The following MFAP5 variants were observed in gnomAD, a reference collection of about 807,000 sequenced individuals.
MFAP5 encodes microfibrillar-associated protein 5.
In MFAP5, 19 loss-of-function variants were observed where a neutral mutation model predicts 30.1. That is an observed-to-expected ratio of 0.63 (90% CI 0.44 to 0.93). The LOEUF (loss-of-function observed/expected upper bound fraction) is 0.93. Ranked by LOEUF, MFAP5 falls within the 40% of genes least tolerant of loss-of-function variation. The probability of loss-of-function intolerance (pLI) is 0.00; values close to 1 mark genes in which losing one functional copy is unlikely to be tolerated. For missense variants in MFAP5, 210 were observed against 221.3 expected (o/e 0.95, Z 0.32); for synonymous variants, 92 against 72.9 (o/e 1.26, Z -1.33).
rs1941709213 is a variant in MFAP5, at chr12:8,647,374, A to G, written c.*717T>C. On this transcript the variant is annotated 3_prime_UTR_variant, in exon 10 of 10. Coordinates refer to ENST00000359478, the MANE Select transcript of MFAP5 (RefSeq NM_003480.4). ...TCCAACCTTACTTCCCGACTAGACAACTGCATGAAAAATTGGATAGCGAAT... is the reference window on the plus strand; with the variant it reads ...TCCAACCTTACTTCCCGACTAGACAGCTGCATGAAAAATTGGATAGCGAAT... The G allele has an allele frequency of 6.6e-6, 1 of 152,218 alleles. No individual in the cohort carries two copies. 9.4% of individuals were successfully genotyped at this position (152,218 alleles called of 1,614,324 possible).
intron 9 of MFAP5, 158 bp from the exon 10 acceptor site, chr12:8,648,361 G>A: frequency 1.1e-6 from 1 of 905,606 alleles, no homozygotes; most frequent in Non-Finnish European, 1.6e-6. Flanking sequence ...TTAGTTATTT[G>A]CCACTTCCTA....
At chr12:8,653,626 C>T (rs935214291) in intron 6 of MFAP5, among the ~76,000 whole-genome samples, 2 of 152,118 alleles carry the variant, frequency 1.3e-5, no homozygotes, top group Non-Finnish European at 2.9e-5. Flanking sequence ...CACAAAAAAC[C>T]TTTTCTCACC....
chr12:8,656,146 C>T (rs1941977892), intron 3 of MFAP5, among the ~76,000 whole-genome samples: 3 of 150,762 alleles, frequency 2.0e-5, no homozygotes, highest in Admixed American at 2.0e-4. Flanking sequence ...CTGCAAGCTC[C>T]GCCTCCCGGG....
chr12:8,652,445 A>AAAAT lies in MFAP5; in HGVS notation c.218-758_218-755dup, dbSNP rs56176308. On this transcript the variant is annotated intron_variant, in intron 6 of 9. Coordinates refer to ENST00000359478, the MANE Select transcript of MFAP5 (RefSeq NM_003480.4). ...AGGTGACAGAGGGAGACTCCATCTCAAAATAAATAAATAAATAAATAAATA... is the reference window on the plus strand; with the variant it reads ...AGGTGACAGAGGGAGACTCCATCTCAAAATAAATAAATAAATAAATAAATAAATA... 4.4e-3 allele frequency among the ~76,000 whole-genome samples: 643 copies of AAAAT among 147,658 alleles called. 6 individuals carry two copies. Among genetic ancestry groups the AAAAT allele is most frequent in the African/African-American group, 0.014 (575 of 39,838 alleles).
rs769973987 is a variant in MFAP5, at chr12:8,662,072, A to G, written c.33T>C (p.Phe11=). 1.9e-6 allele frequency: 3 copies of G among 1,613,924 alleles called. No homozygotes were observed. Among genetic ancestry groups the G allele is most frequent in the Admixed American group, 1.7e-5 (1 of 60,014 alleles). The change falls in exon 2 of 10, where the codon TTT becomes TTC. Residue 11 remains phenylalanine (F), a synonymous_variant. Transcript: ENST00000359478. Reference sequence around the variant, plus strand: ...CAGAGGTGATGATGAATGCAGCAAGAAACAGCAGCACCTTGGGTCCCAAGA... The same window carrying G: ...CAGAGGTGATGATGAATGCAGCAAGGAACAGCAGCACCTTGGGTCCCAAGA... The part of the protein sequence containing the change: MSLLGPKVLL[F]LAAFIITSDW...
intron 3 of MFAP5, among the ~76,000 whole-genome samples, chr12:8,656,296 C>A (rs12322052): frequency 1.3e-5 from 2 of 151,878 alleles, no homozygotes; most frequent in East Asian, 3.9e-4. Context: ...GAACCGCCCC[C>A]CTCGGCCTCC....
intron 9 of MFAP5, 42 bp from the exon 10 acceptor site, chr12:8,648,245 A>T: frequency 6.7e-7 from 1 of 1,493,882 alleles, no homozygotes; most frequent in Non-Finnish European, 9.3e-7. Flanking sequence ...AATGCAGAAG[A>T]TAACAAAGGC....
intron 6 of MFAP5, among the ~76,000 whole-genome samples, chr12:8,653,202 A>AAG (rs1176495987): frequency 6.6e-6 from 1 of 151,674 alleles, no homozygotes; most frequent in Non-Finnish European, 1.5e-5. Context: ...CAAAAAAAAA[A>AAG]AAAAAGAAAA....
intron 6 of MFAP5, among the ~76,000 whole-genome samples, chr12:8,651,998 C>A (rs964912546): frequency 7.9e-5 from 12 of 152,072 alleles, no homozygotes; most frequent in African/African-American, 2.9e-4. Context: ...GAACACAAGG[C>A]AAAGAGTTAC....
chr12:8,660,338 G>A (rs773251853), intron 3 of MFAP5, among the ~76,000 whole-genome samples: 2 of 151,684 alleles, frequency 1.3e-5, no homozygotes, highest in South Asian at 2.1e-4. Context: ...ACAGGCATGC[G>A]CCACCATGCC....
At chr12:8,655,520 C>T (rs770259914) in intron 4 of MFAP5, 73 bp from the exon 5 acceptor site, 80 of 1,468,464 alleles carry the variant, frequency 5.4e-5, no homozygotes, top group South Asian at 6.1e-5. Flanking sequence ...GATAAGGGGA[C>T]GATGATCTCA....
intron 1 of MFAP5, chr12:8,662,388 C>T (rs767516851): frequency 1.9e-5 from 7 of 362,778 alleles, no homozygotes; most frequent in Non-Finnish European, 3.5e-5. Context: ...GTACTTGGCC[C>T]TACCCTTTGG....
Position 8,651,642 on chromosome 12 carries a change from C to T in MFAP5, c.247+20G>A, listed in dbSNP as rs1448877184. 1.8e-5 allele frequency: 29 copies of T among 1,613,226 alleles called. No individual in the cohort carries two copies. The highest frequency in any genetic ancestry group is 2.5e-5 in the Non-Finnish European group (29 of 1,179,290). The stretch of plus-strand genomic sequence containing the variant: ...AGGAAGAAAAAAAGGCTTAAGAAGG[C>T]ATGCAAGCAACAATCATACCTGCAG... On this transcript the variant is annotated intron_variant, in intron 7 of 9. Coordinates refer to ENST00000359478, the MANE Select transcript of MFAP5 (RefSeq NM_003480.4).
chr12:8,654,613 G>C, intron 5 of MFAP5, 132 bp from the exon 6 acceptor site: 2 of 724,260 alleles, frequency 2.8e-6, no homozygotes, highest in Non-Finnish European at 2.2e-6. Context: ...ATGTATAAGG[G>C]AATAGAATTA....
intron 2 of MFAP5, among the ~76,000 whole-genome samples, 190 bp from the exon 3 acceptor site, chr12:8,661,088 T>C (rs1267245573): frequency 6.6e-6 from 1 of 152,132 alleles, no homozygotes; most frequent in Non-Finnish European, 1.5e-5. Flanking sequence ...ATAGAAAGAC[T>C]TCAGAAAGAC....
In MFAP5 at chr12:8,662,653, C is replaced by G. The variant is rs948929965; in HGVS notation, c.-29G>C. 6.5e-6 allele frequency: 1 copy of G among 153,296 alleles called. No homozygotes were observed. Among genetic ancestry groups the G allele is most frequent in the Admixed American group, 6.5e-5 (1 of 15,458 alleles). 9.5% of individuals were successfully genotyped at this position (153,296 alleles called of 1,614,324 possible). A position where few individuals can be genotyped will look rare whatever the true frequency, so the allele number is the denominator to read the frequency against. ...GTCTATGGTGTTCTGCTCTTTCCAC[C>G]GAGTCCTTTGGCTGCTGAATGTGTC... is the stretch of plus-strand genomic sequence containing the variant. On this transcript the variant is annotated 5_prime_UTR_variant, in exon 1 of 10. Transcript: ENST00000359478.
In MFAP5 at chr12:8,646,079, A is replaced by G. The variant is rs1445753039; in HGVS notation, c.*2012T>C. The G allele has an allele frequency of 6.5e-6, 1 of 152,688 alleles. No homozygotes were observed. Among genetic ancestry groups the G allele is most frequent in the Non-Finnish European group, 1.5e-5 (1 of 68,052 alleles). 9.5% of individuals were successfully genotyped at this position (152,688 alleles called of 1,614,324 possible). On this transcript the variant is annotated 3_prime_UTR_variant, in exon 10 of 10. Transcript: ENST00000359478. The stretch of plus-strand genomic sequence containing the variant: ...GTTGCAATGTGGAGTAGGAGGGTCA[A>G]GTTCGTGAAGATATTCTTAAAATTA...
intron 1 of MFAP5, chr12:8,662,309 T>C (rs1186754156): frequency 3.5e-6 from 2 of 566,200 alleles, no homozygotes; most frequent in Admixed American, 6.5e-5. Flanking sequence ...CCTTGGTCAC[T>C]TACCATTATT....
At chr12:8,661,728 G>A (rs1158268961) in intron 2 of MFAP5, among the ~76,000 whole-genome samples, 1 of 151,806 alleles carries the variant, frequency 6.6e-6, no homozygotes, top group African/African-American at 2.4e-5. Context: ...GTATGCATTT[G>A]TATATCAGCT....
Sources: allele counts gnomAD v4.1 joint callset (sites outside exome capture counted in the v4.1 genomes callset), GRCh38; gene constraint gnomAD v4.1.1; transcripts MANE v1.5; gene names NCBI Gene and HGNC (gene_info 2026-07-23, HGNC 2026-07-21).